The following CSMD2 variants were observed in gnomAD, a reference collection of about 807,000 sequenced individuals.
CSMD2 encodes the protein CUB and sushi domain-containing protein 2.
Under a neutral mutation model 398.5 loss-of-function variants are expected in CSMD2, and 130 were observed. The observed-to-expected ratio is 0.33, with a 90% CI of 0.28 to 0.38. The LOEUF (loss-of-function observed/expected upper bound fraction) is 0.38. CSMD2 is among the 10% of genes least tolerant of loss of function. The probability of loss-of-function intolerance (pLI) is 1.00; values close to 1 mark genes in which losing one functional copy is unlikely to be tolerated. For synonymous variants in CSMD2, 1,828 were observed against 1,908.5 expected, an observed-to-expected ratio of 0.96 and a Z score of 1.10; for missense variants, 3,829 against 4,764.9, an observed-to-expected ratio of 0.80 and a Z score of 5.78.
intron 3 of CSMD2, among the ~76,000 whole-genome samples, chr1:34,000,500 T>C (rs1558228328): frequency 6.6e-6 from 1 of 152,076 alleles, no homozygotes; most frequent in East Asian, 1.9e-4. Context: ...CACAAAACCA[T>C]ACCGGCAATG....
intron 3 of CSMD2, among the ~76,000 whole-genome samples, chr1:34,023,384 G>A (rs1399350273): frequency 6.6e-6 from 1 of 152,160 alleles, no homozygotes; most frequent in African/African-American, 2.4e-5. Flanking sequence ...TATCCACTGA[G>A]CCATATGCTC....
chr1:33,756,265 G>A (rs1649001254), intron 13 of CSMD2, among the ~76,000 whole-genome samples: 1 of 152,196 alleles, frequency 6.6e-6, no homozygotes, highest in South Asian at 2.1e-4. Context: ...CCAGACCTGT[G>A]TATCCAGTGG....
intron 2 of CSMD2, among the ~76,000 whole-genome samples, chr1:34,041,896 G>A (rs1651889042): frequency 2.0e-5 from 3 of 152,316 alleles, no homozygotes; most frequent in South Asian, 2.1e-4. Context: ...AGGTATGAGC[G>A]TGCCACCTCT....
intron 59 of CSMD2, among the ~76,000 whole-genome samples, 165 bp downstream of exon 59, chr1:33,540,965 C>T (rs2148594645): frequency 2.0e-5 from 3 of 152,318 alleles, no homozygotes; most frequent in East Asian, 1.9e-4. Flanking sequence ...TTCTGATTCA[C>T]TCCTGGCAGA....
At position 33,714,688 on chromosome 1, in the gene CSMD2, G is replaced by T. The variant is rs373581623; in HGVS notation, c.3305C>A (p.Thr1102Asn). Residue 1102 changes from threonine (T) to asparagine (N), a missense_variant, in exon 21 of 71, where the codon ACC becomes AAC. Physicochemically the swap from Thr to Asn is moderately conservative, Grantham distance 65. This residue lies in a region of CSMD2 where 2,001 missense variants were observed against 2,567.1 expected (regional missense o/e 0.78). Coordinates refer to ENST00000373381, the MANE Select transcript of CSMD2 (RefSeq NM_001281956.2). ...GLQFGVGDTL[T>N]FSCFPGYRLE... ...ACGGTACCCGGGGAAGCAGGAGAAG[G>T]TCAAGGTGTCGCCCACGCCAAACTG... 3 of 1,614,074 alleles carry T rather than the reference G, an allele frequency of 1.9e-6. No individual in the cohort carries two copies. The highest frequency in any genetic ancestry group is 2.5e-6 in the Non-Finnish European group (3 of 1,180,034).
At chr1:33,981,242 C>T (rs1460692009) in intron 3 of CSMD2, among the ~76,000 whole-genome samples, 2 of 152,208 alleles carry the variant, frequency 1.3e-5, no homozygotes, top group Non-Finnish European at 2.9e-5. Context: ...TTTGCACTCA[C>T]TTCCCACTTA....
chr1:33,743,698 A>C, intron 13 of CSMD2, 92 bp from the exon 14 acceptor site: 1 of 929,798 alleles, frequency 1.1e-6, no homozygotes, highest in South Asian at 1.8e-5. Flanking sequence ...TCTTAGTCTA[A>C]AAAGCAACAG....
chr1:33,663,893 T>C (rs758639119), intron 25 of CSMD2, among the ~76,000 whole-genome samples: 3 of 152,246 alleles, frequency 2.0e-5, no homozygotes, highest in Non-Finnish European at 4.4e-5. Context: ...GGTGTTCCCA[T>C]AGACCTTTCA....
intron 13 of CSMD2, among the ~76,000 whole-genome samples, chr1:33,754,210 G>T (rs532274780): frequency 4.6e-5 from 7 of 152,188 alleles, no homozygotes; most frequent in Non-Finnish European, 1.0e-4. Flanking sequence ...GGCCTGGGGG[G>T]AGGTATTTGG....
chr1:33,881,599 G>A (rs1415534761), intron 5 of CSMD2, among the ~76,000 whole-genome samples: 1 of 152,156 alleles, frequency 6.6e-6, no homozygotes, highest in Non-Finnish European at 1.5e-5. Context: ...GGGAGGAAGT[G>A]ACAGAAAATG....
chr1:33,852,616 C>T (rs1360261689), intron 5 of CSMD2, among the ~76,000 whole-genome samples: 1 of 152,248 alleles, frequency 6.6e-6, no homozygotes, highest in Non-Finnish European at 1.5e-5. Context: ...GTGGACATGG[C>T]CCTGCCATGA....
At chr1:33,792,139 T>C (rs1654397045) in intron 11 of CSMD2, among the ~76,000 whole-genome samples, 1 of 152,134 alleles carries the variant, frequency 6.6e-6, no homozygotes, top group South Asian at 2.1e-4. Context: ...AGCCAGCCAG[T>C]GGAAGGCTCC....
chr1:34,157,513 C>T (rs74732133), intron 1 of CSMD2, among the ~76,000 whole-genome samples: 1,901 of 152,030 alleles, frequency 0.013, 45 homozygotes, highest in African/African-American at 0.044. Flanking sequence ...ACCTCCCCTC[C>T]ATCATATCCC....
chr1:34,007,975 C>T (rs537618213), intron 3 of CSMD2, among the ~76,000 whole-genome samples: 2 of 152,278 alleles, frequency 1.3e-5, no homozygotes, highest in South Asian at 4.2e-4. Context: ...GGCTGGCTGT[C>T]AAAATGCAGT....
In CSMD2 at chr1:34,022,614, AG is replaced by A. The variant is rs10716463; in HGVS notation, c.517+9979del. Reference sequence around the variant, plus strand: ...GCAGCCTCTTGGATTTAGTTTAGGCAGAGAACAGAAGAGAAGAGTTGGGTGG... The same window carrying A: ...GCAGCCTCTTGGATTTAGTTTAGGCAAGAACAGAAGAGAAGAGTTGGGTGG... On this transcript the variant is annotated intron_variant, in intron 3 of 70. Coordinates refer to ENST00000373381, the MANE Select transcript of CSMD2 (RefSeq NM_001281956.2). Among the ~76,000 whole-genome samples the A allele has an allele frequency of 3.9e-3, 592 of 152,324 alleles. 11 individuals carry two copies. The highest frequency in any genetic ancestry group is 0.024 in the Middle Eastern group (7 of 294).
Position 33,617,531 on chromosome 1 carries a change from ACAC to A in CSMD2, c.5911_5913del (p.Val1971del). On this transcript the variant is annotated inframe_deletion, in exon 38 of 71. Transcript: ENST00000373381. ...GCATATCCCGGCTCACACTGGAAAG[ACAC>A]CACATCATTCACCAAGTAGCGCTCG... 1 of 1,614,088 alleles carries A rather than the reference ACAC, an allele frequency of 6.2e-7. No homozygotes were observed. Among genetic ancestry groups the A allele is most frequent in the Non-Finnish European group, 8.5e-7 (1 of 1,179,974 alleles).
At chr1:33,552,265 A>G (rs931108337) in intron 55 of CSMD2, among the ~76,000 whole-genome samples, 4 of 152,258 alleles carry the variant, frequency 2.6e-5, no homozygotes, top group Admixed American at 1.3e-4. Context: ...CAAGCATAGG[A>G]AAGAATATGG....
At chr1:33,524,738 G>C in intron 66 of CSMD2, 144 bp downstream of exon 66, 1 of 734,808 alleles carries the variant, frequency 1.4e-6, no homozygotes, top group Non-Finnish European at 2.2e-6. Context: ...ATCATGTAAA[G>C]ATGAATAGAC....
chr1:34,095,602 C>G (rs1381093679), intron 1 of CSMD2, among the ~76,000 whole-genome samples: 3 of 152,004 alleles, frequency 2.0e-5, no homozygotes, highest in Non-Finnish European at 4.4e-5. Context: ...CACAGAAATG[C>G]AAACTACCAT....
Sources: gnomAD v4.1 joint callset for allele counts (sites outside exome capture counted in the v4.1 genomes callset) on GRCh38, gnomAD v4.1.1 for gene constraint, gnomAD v4.1.1 regional missense constraint, MANE v1.5 for transcripts, NCBI Gene and HGNC (gene_info 2026-07-23, HGNC 2026-07-21) for gene names.